The following CAMSAP1 variants were observed in gnomAD, a reference collection of about 807,000 sequenced individuals.
CAMSAP1 encodes calmodulin regulated spectrin associated protein 1, also known as calmodulin-regulated spectrin-associated protein 1.
Under a neutral mutation model 143.5 loss-of-function variants are expected in CAMSAP1, and 58 were observed. The ratio of observed to expected loss-of-function variants is 0.40; its 90% confidence interval spans 0.33 to 0.50. The LOEUF (loss-of-function observed/expected upper bound fraction) is 0.50. CAMSAP1 is among the 20% of genes least tolerant of loss of function. The pLI is 0.45. For synonymous variants in CAMSAP1, 945 were observed against 859.3 expected, an observed-to-expected ratio of 1.10 and a Z score of -1.74; for missense variants, 1,969 against 2,115.7, an observed-to-expected ratio of 0.93 and a Z score of 1.36.
At chr9:135,860,867 T>C (rs1458788492) in intron 5 of CAMSAP1, among the ~76,000 whole-genome samples, 1 of 152,212 alleles carries the variant, frequency 6.6e-6, no homozygotes, top group Non-Finnish European at 1.5e-5. Context: ...CAGCATGCCC[T>C]GGCTCATGGA....
chr9:135,888,769 A>G (rs1838204777), intron 1 of CAMSAP1, among the ~76,000 whole-genome samples: 2 of 152,252 alleles, frequency 1.3e-5, no homozygotes, highest in Admixed American at 6.5e-5. Flanking sequence ...CCAGTAGTCC[A>G]CGCCCCAGCT....
At chr9:135,881,545 C>T (rs1025716103) in intron 3 of CAMSAP1, 88 bp downstream of exon 3, 13 of 1,419,956 alleles carry the variant, frequency 9.2e-6, no homozygotes, top group African/African-American at 5.7e-5. Flanking sequence ...TGGGTCTCAG[C>T]GTGACAGACA....
chr9:135,848,501 CCAGA>C (rs1836656953), intron 7 of CAMSAP1, among the ~76,000 whole-genome samples: 1 of 146,210 alleles, frequency 6.8e-6, no homozygotes, highest in Admixed American at 6.7e-5. Flanking sequence ...CCTTTTAGCC[CCAGA>C]CACACACACA....
At chr9:135,817,380 T>G (rs1222577557) in intron 14 of CAMSAP1, among the ~76,000 whole-genome samples, 2 of 152,168 alleles carry the variant, frequency 1.3e-5, no homozygotes, top group East Asian at 3.8e-4. Flanking sequence ...GAGTGGTTTT[T>G]TTCTGTTTAT....
Position 135,821,277 on chromosome 9 carries a change from C to A in CAMSAP1, c.3384G>T (p.Glu1128Asp). The change falls in exon 11 of 17, where the codon GAG (glutamate) becomes GAT (aspartate). Residue 1128 changes from glutamate to aspartate, a missense_variant. By Grantham distance (45) the Glu-to-Asp change is conservative. Transcript: ENST00000389532. This position sits in a 1 kb window ranked among gnomAD's most constrained non-coding sequence, Gnocchi z 4.6. ...SRSKTPTPSV[E>D]TLPHLRPFPA... ...GGAAGGGTCTCAAGTGCGGGAGCGT[C>A]TCTACACTGGGCGTTGGGGTTTTAC... The A allele has an allele frequency of 6.2e-7, 1 of 1,610,638 alleles. No homozygotes were observed. The highest frequency in any genetic ancestry group is 8.5e-7 in the Non-Finnish European group (1 of 1,179,856).
Position 135,811,293 on chromosome 9 carries a change from G to T in CAMSAP1, c.*16C>A. ...TACGAGTCTGGGTCACCCTTTGGAC[G>T]CCAGCTGCACCGGGGTCATTTACGA... On this transcript the variant is annotated 3_prime_UTR_variant, in exon 17 of 17. Coordinates refer to ENST00000389532, the MANE Select transcript of CAMSAP1 (RefSeq NM_015447.4). This position sits in a 1 kb window ranked among gnomAD's most constrained non-coding sequence, Gnocchi z 4.9. 1 of 1,607,744 alleles carries T rather than the reference G, an allele frequency of 6.2e-7. No individual in the cohort carries two copies. The highest frequency in any genetic ancestry group is 8.5e-7 in the Non-Finnish European group (1 of 1,176,142).
chr9:135,836,702 T>C, intron 7 of CAMSAP1: 1 of 981,336 alleles, frequency 1.0e-6, no homozygotes, highest in Non-Finnish European at 1.2e-6. Flanking sequence ...TCTACCCTGT[T>C]CTACAGACAC....
At position 135,815,942 on chromosome 9, in the gene CAMSAP1, G is replaced by A. The variant is rs367938620; in HGVS notation, c.4335C>T (p.Asp1445=). The A allele has an allele frequency of 2.9e-5, 46 of 1,613,726 alleles. No individual in the cohort carries two copies. Among genetic ancestry groups the A allele is most frequent in the Admixed American group, 1.2e-4 (7 of 60,016 alleles). The change falls in exon 15 of 17, where the codon GAC becomes GAT. Residue 1445 remains aspartate (D), a synonymous_variant. Transcript: ENST00000389532. ...SRNPSRSTDR[D]WETASAASSL... The stretch of plus-strand genomic sequence containing the variant: ...AAGATGCCGCCGACGCGGTCTCCCA[G>A]TCTCGGTCTGTGCTCCTGCTTGGGT...
At chr9:135,833,113 G>A (rs1296105324) in intron 7 of CAMSAP1, among the ~76,000 whole-genome samples, 2 of 129,972 alleles carry the variant, frequency 1.5e-5, no homozygotes, top group African/African-American at 6.0e-5. Context: ...ACGGAGTCTC[G>A]CTCTGTCGCC....
chr9:135,857,035 G>A (rs1276317002), intron 5 of CAMSAP1, among the ~76,000 whole-genome samples: 1 of 152,192 alleles, frequency 6.6e-6, no homozygotes, highest in Non-Finnish European at 1.5e-5. Context: ...CATTGGGGCT[G>A]CCTGCTTGTG....
chr9:135,812,518 G>A (rs1326717038), intron 16 of CAMSAP1, among the ~76,000 whole-genome samples: 1 of 151,894 alleles, frequency 6.6e-6, no homozygotes, highest in African/African-American at 2.4e-5. Context: ...AGACTTAGGG[G>A]GGTGACTGTT....
intron 7 of CAMSAP1, among the ~76,000 whole-genome samples, chr9:135,839,363 A>AGCAT (rs1564432713): frequency 2.0e-5 from 3 of 152,176 alleles, no homozygotes; most frequent in Admixed American, 6.5e-5. Context: ...CACTAAGGTG[A>AGCAT]GCATGCATGG....
At chr9:135,871,005 C>T (rs1837554666) in intron 3 of CAMSAP1, among the ~76,000 whole-genome samples, 1 of 152,150 alleles carries the variant, frequency 6.6e-6, no homozygotes, top group African/African-American at 2.4e-5. Context: ...TCAGAAAAGA[C>T]TGTGAAAATA....
At chr9:135,889,939 C>G (rs1419083010) in intron 1 of CAMSAP1, among the ~76,000 whole-genome samples, 1 of 152,226 alleles carries the variant, frequency 6.6e-6, no homozygotes, top group East Asian at 1.9e-4. Flanking sequence ...TCTCGAGGCC[C>G]CCAAGGGCCA....
intron 7 of CAMSAP1, among the ~76,000 whole-genome samples, chr9:135,841,759 C>A (rs533288867): frequency 6.6e-6 from 1 of 152,154 alleles, no homozygotes; most frequent in Non-Finnish European, 1.5e-5. Context: ...AGCAGAGGGA[C>A]CTGGCTTTTA....
chr9:135,847,390 C>G (rs1836593911), intron 7 of CAMSAP1, among the ~76,000 whole-genome samples: 1 of 151,810 alleles, frequency 6.6e-6, no homozygotes, highest in Non-Finnish European at 1.5e-5. Flanking sequence ...GTAAATCATC[C>G]TACTATAAAG....
Position 135,824,072 on chromosome 9 carries a change from AT to A in CAMSAP1, c.1316-39del. Reference sequence around the variant, plus strand: ...GGAATTAGATAGTGTTAAGTAACCAATTTTCTATCACTTGAAATTCTTTCAA... The same window carrying A: ...GGAATTAGATAGTGTTAAGTAACCAATTTCTATCACTTGAAATTCTTTCAA... On this transcript the variant is annotated intron_variant, in intron 9 of 16. Coordinates refer to ENST00000389532, the MANE Select transcript of CAMSAP1 (RefSeq NM_015447.4). This position sits in a 1 kb window ranked among gnomAD's most constrained non-coding sequence, Gnocchi z 4.1. 1 of 1,511,658 alleles carries A rather than the reference AT, an allele frequency of 6.6e-7. No individual in the cohort carries two copies. The allele number at this position is 1,511,658 out of a possible 1,614,324, so 93.6% of individuals were successfully genotyped here. A position where few individuals can be genotyped will look rare whatever the true frequency, so the allele number is the denominator to read the frequency against.
At chr9:135,879,658 G>C (rs546510736) in intron 3 of CAMSAP1, among the ~76,000 whole-genome samples, 1 of 151,726 alleles carries the variant, frequency 6.6e-6, no homozygotes, top group Admixed American at 6.6e-5. Flanking sequence ...TTTAGGTTCA[G>C]ATTTGGCCAA....
At chr9:135,883,359 G>A (rs755963820) in intron 1 of CAMSAP1, among the ~76,000 whole-genome samples, 15 of 152,254 alleles carry the variant, frequency 9.9e-5, no homozygotes, top group Non-Finnish European at 2.1e-4. Context: ...AAATCATTTC[G>A]TGACCTCCAC....
Sources: gnomAD v4.1 joint callset for allele counts (sites outside exome capture counted in the v4.1 genomes callset) on GRCh38, gnomAD v4.1.1 for gene constraint, Gnocchi (gnomAD v3.1) non-coding constraint, MANE v1.5 for transcripts, NCBI Gene and HGNC (gene_info 2026-07-23, HGNC 2026-07-21) for gene names.